MSANTD5: variants seen among roughly 807,000 people sequenced by gnomAD.
MSANTD5 encodes the protein Myb/SANT DNA binding domain containing 5.
upstream of MSANTD5, among the ~76,000 whole-genome samples, chr5:178,702,052 A>G (rs1765491140): frequency 6.6e-6 from 1 of 150,750 alleles, no homozygotes; most frequent in South Asian, 2.1e-4. Flanking sequence ...TTAAAATAAT[A>G]AAAATTGCAA....
exon 4 of MSANTD5, chr5:178,694,886 G>T (rs780779399): frequency 6.6e-6 from 1 of 152,116 alleles, no homozygotes; most frequent in Non-Finnish European, 1.5e-5. Flanking sequence ...CTATGGGAAC[G>T]CCATAGGCCT....
chr5:178,705,257 A>G, the MSANTD5 span, among the ~76,000 whole-genome samples: 1 of 152,092 alleles, frequency 6.6e-6, no homozygotes, highest in Admixed American at 6.5e-5. Flanking sequence ...CATGTTGGCC[A>G]GGATGGTCTC....
the MSANTD5 span, among the ~76,000 whole-genome samples, chr5:178,703,313 G>A: frequency 8.0e-4 from 121 of 152,130 alleles, no homozygotes; most frequent in African/African-American, 2.8e-3. Context: ...AGTGTGATGC[G>A]CTTGGCTTGC....
downstream of MSANTD5, among the ~76,000 whole-genome samples, chr5:178,694,043 G>T (rs192373800): frequency 6.6e-6 from 1 of 151,958 alleles, no homozygotes; most frequent in Non-Finnish European, 1.5e-5. Context: ...CTGGCTGGGC[G>T]CAGTGGCTCA....
chr5:178,694,595 C>T (rs1384657765), downstream of MSANTD5: 2 of 152,212 alleles, frequency 1.3e-5, no homozygotes, highest in Non-Finnish European at 2.9e-5. Context: ...CATTTATTCT[C>T]ATTGCACCAG....
the MSANTD5 span, among the ~76,000 whole-genome samples, chr5:178,705,078 T>A: frequency 6.6e-6 from 1 of 151,972 alleles, no homozygotes; most frequent in Admixed American, 6.6e-5. Context: ...AGACGGAATC[T>A]TGCTCTGTCA....
exon 3 of MSANTD5, chr5:178,695,563 G>A (rs925838073): frequency 3.9e-5 from 6 of 152,110 alleles, no homozygotes; most frequent in African/African-American, 9.7e-5. Context: ...AGGAAACTCC[G>A]GATTTCCTGG....
chr5:178,697,319 T>C (rs1278428781), intron 1 of MSANTD5, among the ~76,000 whole-genome samples: 1 of 151,340 alleles, frequency 6.6e-6, no homozygotes, highest in Non-Finnish European at 1.5e-5. Context: ...CCGGGCGTGG[T>C]GGCGGGCGCC....
chr5:178,692,630 T>C (rs1365966804), downstream of MSANTD5, among the ~76,000 whole-genome samples: 1 of 152,026 alleles, frequency 6.6e-6, no homozygotes, highest in Non-Finnish European at 1.5e-5. Context: ...AATTGATCCA[T>C]GCAACAACCT....
Position 178,697,329 on chromosome 5 carries a change from C to G in MSANTD5, c.6+257G>C, listed in dbSNP as rs1581733714. On this transcript the variant is annotated intron_variant, in intron 1 of 3. Transcript: ENST00000648368. ...ATTAGCCGGGCGTGGTGGCGGGCGCCTGTAGTCCCAGCTACTCGGGAGGCT... is the reference window on the plus strand; with the variant it reads ...ATTAGCCGGGCGTGGTGGCGGGCGCGTGTAGTCCCAGCTACTCGGGAGGCT... Among the ~76,000 whole-genome samples, 7 of 151,986 alleles carry G rather than the reference C, an allele frequency of 4.6e-5. No homozygotes were observed. The South Asian group carries it at 1.2e-3, about 27-fold the overall frequency.
chr5:178,698,552 GC>G, upstream of MSANTD5, among the ~76,000 whole-genome samples: 1 of 152,224 alleles, frequency 6.6e-6, no homozygotes, highest in East Asian at 1.9e-4. Context: ...AGGGAAGGGG[GC>G]TTTACAGTGA....
At chr5:178,697,003 G>A (rs1291337721) in intron 1 of MSANTD5, among the ~76,000 whole-genome samples, 1 of 152,098 alleles carries the variant, frequency 6.6e-6, no homozygotes, top group Non-Finnish European at 1.5e-5. Context: ...CTAGTCCAAG[G>A]GGCTTTGAAG....
the MSANTD5 span, among the ~76,000 whole-genome samples, chr5:178,703,897 C>T: frequency 6.6e-6 from 1 of 151,186 alleles, no homozygotes; most frequent in Non-Finnish European, 1.5e-5. Context: ...AGGAGAATTG[C>T]TTGAACCCAG....
chr5:178,694,315 CAAAAAAAAAA>C (rs56778816), downstream of MSANTD5, among the ~76,000 whole-genome samples: 27 of 61,536 alleles, frequency 4.4e-4, no homozygotes, highest in African/African-American at 1.6e-3. Context: ...GACTCCATCT[CAAAAAAAAAA>C]AAAAAAAAAA....
At chr5:178,697,107 C>A (rs1765420533) in intron 1 of MSANTD5, among the ~76,000 whole-genome samples, 1 of 152,164 alleles carries the variant, frequency 6.6e-6, no homozygotes, top group Admixed American at 6.5e-5. Flanking sequence ...TCAAAACGAT[C>A]CCCCAAAGCA....
chr5:178,704,783 T>C, the MSANTD5 span, among the ~76,000 whole-genome samples: 5 of 152,060 alleles, frequency 3.3e-5, no homozygotes, highest in Admixed American at 6.5e-5. Flanking sequence ...AATATAGTAT[T>C]TTAGGGATAG....
chr5:178,702,993 G>A, the MSANTD5 span, among the ~76,000 whole-genome samples: 1 of 152,186 alleles, frequency 6.6e-6, no homozygotes, highest in African/African-American at 2.4e-5. Context: ...AACACACAGG[G>A]CGATTCCACT....
At chr5:178,697,993 G>C (rs1581734038), upstream of MSANTD5, among the ~76,000 whole-genome samples, 2 of 152,270 alleles carry the variant, frequency 1.3e-5, no homozygotes, top group Admixed American at 1.3e-4. Context: ...AGATGCAAAG[G>C]GATGGGTTGT....
chr5:178,702,021 C>T (rs1190793321), upstream of MSANTD5, among the ~76,000 whole-genome samples: 2 of 150,470 alleles, frequency 1.3e-5, no homozygotes, highest in Non-Finnish European at 3.0e-5. Context: ...GCGTGAGCCA[C>T]CGCGCCCGGC....
Sources: gnomAD v4.1 joint callset for allele counts (sites outside exome capture counted in the v4.1 genomes callset) on GRCh38, gnomAD v4.1.1 for gene constraint, MANE v1.5 for transcripts, NCBI Gene and HGNC (gene_info 2026-07-23, HGNC 2026-07-21) for gene names.